Variants in TPRG1 observed in about 807,000 individuals in gnomAD.
TPRG1 encodes tumor protein p63 regulated 1.
In TPRG1, 29 loss-of-function variants were observed where a neutral mutation model predicts 29.3. The ratio of observed to expected loss-of-function variants is 0.99; its 90% CI spans 0.74 to 1.35. The LOEUF (loss-of-function observed/expected upper bound fraction) is 1.35. TPRG1 is among the 40% of genes most tolerant of loss of function. The pLI, the probability that TPRG1 is intolerant of heterozygous loss-of-function variation, is 0.00. For synonymous variants in TPRG1, 130 were observed against 116.8 expected (o/e 1.11, Z -0.73); for missense variants, 327 against 335.0 (o/e 0.98, Z 0.19).
At chr3:189,151,224 G>T (rs569843734) in intron 5 of TPRG1, 50 of 99,308 alleles carry the variant, frequency 5.0e-4, no homozygotes, top group African/African-American at 2.6e-3. Flanking sequence ...AACACCAGTC[G>T]TCCTTCAATA....
intron 3 of TPRG1, among the ~76,000 whole-genome samples, chr3:189,013,997 T>C (rs1367032514): frequency 6.6e-6 from 1 of 152,180 alleles, no homozygotes; most frequent in Non-Finnish European, 1.5e-5. Flanking sequence ...CATGTCGTCT[T>C]CTTACATTTA....
chr3:188,999,035 G>T (rs1304414417), intron 1 of TPRG1, among the ~76,000 whole-genome samples: 1 of 152,110 alleles, frequency 6.6e-6, no homozygotes, highest in East Asian at 1.9e-4. Context: ...CCCATATTTG[G>T]TCATTACAAT....
At chr3:189,169,394 A>ACCT (rs977258588), upstream of TPRG1, among the ~76,000 whole-genome samples, 6 of 152,078 alleles carry the variant, frequency 3.9e-5, no homozygotes, top group African/African-American at 1.4e-4. Flanking sequence ...TGAACTCCTG[A>ACCT]CCTCAGATGA....
In TPRG1 at chr3:189,187,432, G is replaced by A. The variant is rs144419836; in HGVS notation, c.-10+15301G>A. ...AGCGATTCTTCTGCCTCAGCATCCT[G>A]AGTACCTGGGATTACAGACCCCGCC... On this transcript the variant is annotated intron_variant, in intron 1 of 5. Transcript: ENST00000345063. 3.1e-3 allele frequency among the ~76,000 whole-genome samples: 475 copies of A among 151,786 alleles called. 1 individual carries two copies. Among genetic ancestry groups the A allele is most frequent in the African/African-American group, 0.011 (452 of 41,370 alleles).
rs1262455886 is a variant in TPRG1 at position 189,054,025 on chromosome 3, G to A, written c.-463+30079G>A. On this transcript the variant is annotated intron_variant, in intron 4 of 10. Coordinates refer to the TPRG1 transcript ENST00000433971. ...TACATTCACAGTTTGGCTGTTTGGGGTAAGACGCTCAGCTTTCAGTCTTTT... is the reference window on the plus strand; with the variant it reads ...TACATTCACAGTTTGGCTGTTTGGGATAAGACGCTCAGCTTTCAGTCTTTT... Among the ~76,000 whole-genome samples the A allele has an allele frequency of 4.6e-5, 7 of 152,102 alleles. 1 individual carries two copies. Among genetic ancestry groups the A allele is most frequent in the Admixed American group, 4.6e-4 (7 of 15,272 alleles).
chr3:189,030,600 C>T (rs998789440), intron 4 of TPRG1, among the ~76,000 whole-genome samples: 51 of 152,218 alleles, frequency 3.4e-4, no homozygotes, highest in Non-Finnish European at 4.0e-4. Context: ...AGCTCCCTAC[C>T]TTGGGGAGTG....
intron 5 of TPRG1, among the ~76,000 whole-genome samples, chr3:189,157,851 C>T (rs1024106133): frequency 6.6e-6 from 1 of 152,158 alleles, no homozygotes; most frequent in Admixed American, 6.5e-5. Context: ...ATTCCTTCTC[C>T]TTCCGGCTGT....
chr3:189,107,494 C>T (rs537133847), intron 1 of TPRG1, among the ~76,000 whole-genome samples: 25 of 152,140 alleles, frequency 1.6e-4, no homozygotes, highest in Admixed American at 7.9e-4. Flanking sequence ...TTTTACTAAT[C>T]AAACCTTTAC....
chr3:189,060,706 A>G (rs1327075834), intron 4 of TPRG1, among the ~76,000 whole-genome samples: 1 of 152,232 alleles, frequency 6.6e-6, no homozygotes, highest in Non-Finnish European at 1.5e-5. Context: ...GCCACAAAAA[A>G]GAATAAAATA....
upstream of TPRG1, among the ~76,000 whole-genome samples, chr3:189,168,960 A>G (rs896868348): frequency 6.6e-6 from 1 of 152,200 alleles, no homozygotes; most frequent in Non-Finnish European, 1.5e-5. Context: ...TGCCCCAGGC[A>G]GTGTGTAAGA....
intron 4 of TPRG1, among the ~76,000 whole-genome samples, chr3:189,047,291 A>G (rs1173160021): frequency 1.3e-5 from 2 of 152,234 alleles, no homozygotes; most frequent in African/African-American, 2.4e-5. Context: ...AGTGCATATA[A>G]AAGTTATTTC....
At chr3:189,013,180 C>T (rs1712694711) in intron 3 of TPRG1, among the ~76,000 whole-genome samples, 1 of 152,124 alleles carries the variant, frequency 6.6e-6, no homozygotes, top group Admixed American at 6.5e-5. Context: ...CCTCTTTTCA[C>T]TGCTTTAGCT....
intron 1 of TPRG1, among the ~76,000 whole-genome samples, chr3:189,180,921 T>G (rs1697495421): frequency 6.6e-6 from 1 of 152,130 alleles, no homozygotes; most frequent in Non-Finnish European, 1.5e-5. Flanking sequence ...CATCTAGGCA[T>G]TTCCATACAT....
chr3:189,284,213 T>A (rs78691681), intron 4 of TPRG1, among the ~76,000 whole-genome samples: 4 of 137,886 alleles, frequency 2.9e-5, no homozygotes, highest in South Asian at 4.7e-4. Flanking sequence ...TTTTTTTTTT[T>A]ATTATACTTT....
At chr3:189,286,538 T>C (rs1718088569) in intron 4 of TPRG1, among the ~76,000 whole-genome samples, 1 of 152,102 alleles carries the variant, frequency 6.6e-6, no homozygotes, top group African/African-American at 2.4e-5. Flanking sequence ...TAGGGGCAGA[T>C]ATCTCTCTCA....
chr3:189,132,685 G>C (rs890386012), exon 3 of TPRG1: 3 of 152,212 alleles, frequency 2.0e-5, no homozygotes, highest in African/African-American at 7.2e-5. Flanking sequence ...TGAACTGTCA[G>C]GCGGGAAAAC....
At chr3:189,005,771 C>T (rs1712254287) in intron 3 of TPRG1, among the ~76,000 whole-genome samples, 1 of 151,932 alleles carries the variant, frequency 6.6e-6, no homozygotes, top group South Asian at 2.1e-4. Context: ...ATTTTCATTA[C>T]TTTTAAAAGG....
intron 5 of TPRG1, among the ~76,000 whole-genome samples, chr3:189,316,161 T>C (rs1723488686): frequency 6.6e-6 from 1 of 152,078 alleles, no homozygotes; most frequent in South Asian, 2.1e-4. Flanking sequence ...GGGGATGGGA[T>C]AGGATGAGGA....
At chr3:189,287,229 C>T (rs1347061007) in intron 4 of TPRG1, among the ~76,000 whole-genome samples, 1 of 152,002 alleles carries the variant, frequency 6.6e-6, no homozygotes, top group African/African-American at 2.4e-5. Flanking sequence ...TTGCCTTTTA[C>T]AATTGAAGAA....
Sources: gnomAD v4.1 joint callset for allele counts (sites outside exome capture counted in the v4.1 genomes callset) on GRCh38, gnomAD v4.1.1 for gene constraint, MANE v1.5 for transcripts, NCBI Gene and HGNC (gene_info 2026-07-23, HGNC 2026-07-21) for gene names.